The following ANKS1B variants were observed in gnomAD, a reference collection of about 807,000 sequenced individuals.
ANKS1B encodes the protein ankyrin repeat and sterile alpha motif domain-containing protein 1B.
Under a neutral mutation model 148.3 loss-of-function variants are expected in ANKS1B, and 36 were observed. That is an observed-to-expected ratio of 0.24 (90% CI 0.19 to 0.32). The LOEUF is 0.32. Among genes scored for constraint, ANKS1B ranks in the 10% least tolerant of loss-of-function variants. The pLI is 1.00. For missense variants in ANKS1B, 1,157 were observed against 1,542.6 expected (o/e 0.75, Z 4.19); for synonymous variants, 542 against 560.8 (o/e 0.97, Z 0.47).
chr12:99,087,788 G>A (rs936517555), intron 15 of ANKS1B, among the ~76,000 whole-genome samples: 2 of 152,152 alleles, frequency 1.3e-5, no homozygotes, highest in Non-Finnish European at 2.9e-5. Context: ...GAAAGCATAC[G>A]AATATCCCAT....
chr12:99,654,963 T>C (rs2098443177), intron 9 of ANKS1B, 104 bp downstream of exon 9: 3 of 1,296,774 alleles, frequency 2.3e-6, no homozygotes, highest in Non-Finnish European at 3.1e-6. Context: ...AATCACAAAG[T>C]GAACAAGATC....
chr12:98,778,391 G>A lies in ANKS1B; in HGVS notation c.3441+2726C>T, dbSNP rs543826338. The stretch of plus-strand genomic sequence containing the variant: ...CTCGGGAGGCTGAGGCATGAGAATC[G>A]CTTGAATTCCAGGCCTAGTGGCCTC... On this transcript the variant is annotated intron_variant, in intron 24 of 26. Coordinates refer to ENST00000683438, the MANE Select transcript of ANKS1B (RefSeq NM_001352186.2). Among the ~76,000 whole-genome samples, 4 of 152,288 alleles carry A rather than the reference G, an allele frequency of 2.6e-5. No homozygotes were observed. In the East Asian group the frequency reaches 7.7e-4, roughly 29 times the overall value.
intron 14 of ANKS1B, among the ~76,000 whole-genome samples, chr12:99,228,995 T>A (rs1425226608): frequency 6.6e-6 from 1 of 151,982 alleles, no homozygotes; most frequent in Non-Finnish European, 1.5e-5. Flanking sequence ...TACTTCTTTA[T>A]TAAATAATTT....
chr12:99,124,031 T>C (rs1463614648), intron 15 of ANKS1B, among the ~76,000 whole-genome samples: 6 of 152,156 alleles, frequency 3.9e-5, no homozygotes, highest in African/African-American at 1.4e-4. Context: ...ATGCAGGGTC[T>C]TGGAAACCAC....
At chr12:99,430,439 T>C (rs1363480929) in intron 11 of ANKS1B, among the ~76,000 whole-genome samples, 1 of 152,186 alleles carries the variant, frequency 6.6e-6, no homozygotes. Context: ...GATTTTGATG[T>C]CTGGCAAGTA....
At chr12:99,274,710 T>C (rs1014836794) in intron 12 of ANKS1B, among the ~76,000 whole-genome samples, 1 of 152,242 alleles carries the variant, frequency 6.6e-6, no homozygotes, top group Non-Finnish European at 1.5e-5. Flanking sequence ...TAATATGACA[T>C]GATAATAGCA....
intron 17 of ANKS1B, among the ~76,000 whole-genome samples, chr12:98,872,971 G>A (rs1171610558): frequency 6.6e-6 from 1 of 152,202 alleles, no homozygotes; most frequent in Non-Finnish European, 1.5e-5. Flanking sequence ...ACAAAGATGA[G>A]AAGGTCTGGA....
chr12:99,064,259 A>G (rs1170759202), intron 16 of ANKS1B, among the ~76,000 whole-genome samples: 3 of 152,244 alleles, frequency 2.0e-5, no homozygotes, highest in African/African-American at 7.2e-5. Flanking sequence ...TTTCGTGAAA[A>G]AGAGAAATGA....
chr12:98,781,085 G>C (rs1305131183), intron 24 of ANKS1B, 32 bp downstream of exon 24: 1 of 1,343,118 alleles, frequency 7.4e-7, no homozygotes, highest in East Asian at 2.5e-5. Flanking sequence ...ACTGCATCTG[G>C]TGTCTAAACC....
At chr12:99,059,346 C>T (rs918430297) in intron 16 of ANKS1B, among the ~76,000 whole-genome samples, 1 of 152,178 alleles carries the variant, frequency 6.6e-6, no homozygotes, top group African/African-American at 2.4e-5. Flanking sequence ...AATTAAGTGA[C>T]TTAATGAATA....
intron 1 of ANKS1B, among the ~76,000 whole-genome samples, chr12:99,834,868 C>T (rs1197099722): frequency 1.3e-5 from 2 of 152,152 alleles, no homozygotes; most frequent in African/African-American, 4.8e-5. Context: ...ATGCCTCAGG[C>T]AGGGTCAGAG....
chr12:98,879,045 C>T (rs1567458429), intron 17 of ANKS1B, among the ~76,000 whole-genome samples: 1 of 152,154 alleles, frequency 6.6e-6, no homozygotes, highest in African/African-American at 2.4e-5. Flanking sequence ...ACCTGTGAGG[C>T]CATATTTAGC....
chr12:99,375,293 C>T (rs1186034085), intron 12 of ANKS1B, among the ~76,000 whole-genome samples: 2 of 152,164 alleles, frequency 1.3e-5, no homozygotes, highest in Admixed American at 1.3e-4. Flanking sequence ...CCAATATGCC[C>T]TGGGAGGAAG....
intron 3 of ANKS1B, among the ~76,000 whole-genome samples, chr12:99,808,795 A>G (rs2067962178): frequency 1.3e-5 from 2 of 152,154 alleles, no homozygotes; most frequent in Admixed American, 6.5e-5. Context: ...AAGGCCAGTT[A>G]TGAAATAATG....
intron 10 of ANKS1B, among the ~76,000 whole-genome samples, chr12:99,447,540 G>T (rs1013879647): frequency 6.6e-6 from 1 of 152,040 alleles, no homozygotes; most frequent in Non-Finnish European, 1.5e-5. Context: ...CCACAACATT[G>T]ATTTGGGCAA....
chr12:98,938,857 C>T (rs986524237), intron 17 of ANKS1B, among the ~76,000 whole-genome samples: 1 of 152,054 alleles, frequency 6.6e-6, no homozygotes, highest in Non-Finnish European at 1.5e-5. Context: ...GGTTGGGCAA[C>T]GTGAAAATGT....
intron 9 of ANKS1B, among the ~76,000 whole-genome samples, chr12:99,515,955 T>A (rs942301806): frequency 6.6e-6 from 1 of 152,200 alleles, no homozygotes; most frequent in African/African-American, 2.4e-5. Context: ...GCCATTTGTA[T>A]GTCTTCTTTT....
chr12:99,245,066 G>C (rs2090030376), intron 13 of ANKS1B, among the ~76,000 whole-genome samples: 1 of 152,072 alleles, frequency 6.6e-6, no homozygotes, highest in South Asian at 2.1e-4. Flanking sequence ...TGTTGGCCAG[G>C]ATGTTTCTGA....
chr12:99,516,778 T>C lies in ANKS1B; in HGVS notation c.1273-12137A>G, dbSNP rs866777442. ...ATTTAAAAAAAAAAGACTGTTTTTT[T>C]CCCAATGTATGTTCTTGGCACCTTT... On this transcript the variant is annotated intron_variant, in intron 9 of 26. Coordinates refer to ENST00000683438, the MANE Select transcript of ANKS1B (RefSeq NM_001352186.2). Among the ~76,000 whole-genome samples the C allele has an allele frequency of 1.1e-4, 16 of 152,204 alleles. No individual in the cohort carries two copies. In the South Asian group the frequency reaches 2.1e-3, roughly 20 times the overall value.
Sources: gnomAD v4.1 joint callset for allele counts (sites outside exome capture counted in the v4.1 genomes callset) on GRCh38, gnomAD v4.1.1 for gene constraint, MANE v1.5 for transcripts, NCBI Gene and HGNC (gene_info 2026-07-23, HGNC 2026-07-21) for gene names.